FOXN3: variants seen among roughly 807,000 people sequenced by gnomAD.
The protein encoded by FOXN3 is forkhead box N3.
Under a neutral mutation model 38.4 loss-of-function variants are expected in FOXN3, and 7 were observed. That is an observed-to-expected ratio of 0.18 (90% CI 0.10 to 0.34). The LOEUF is 0.34. FOXN3 is among the 10% of genes least tolerant of loss of function. The pLI, the probability that FOXN3 is intolerant of heterozygous loss-of-function variation, is 1.00. For missense variants in FOXN3, 456 were observed against 613.4 expected (o/e 0.74, Z 2.71); for synonymous variants, 230 against 242.2 (o/e 0.95, Z 0.47).
At chr14:89,521,138 C>T (rs969317092) in intron 1 of FOXN3, among the ~76,000 whole-genome samples, 41 of 151,998 alleles carry the variant, frequency 2.7e-4, no homozygotes, top group Non-Finnish European at 4.6e-4. Flanking sequence ...GGTGAAACCC[C>T]GTCTCTACTA....
At chr14:89,483,755 C>T (rs1467526012) in intron 1 of FOXN3, among the ~76,000 whole-genome samples, 1 of 152,064 alleles carries the variant, frequency 6.6e-6, no homozygotes, top group Admixed American at 6.6e-5. Context: ...CTGGCTCAGC[C>T]GGTTAGTAAG....
intron 1 of FOXN3, among the ~76,000 whole-genome samples, chr14:89,452,486 C>T (rs1412600793): frequency 6.6e-6 from 1 of 152,180 alleles, no homozygotes; most frequent in African/African-American, 2.4e-5. Context: ...GCTCATTCTC[C>T]CCGGCCAGGT....
intron 1 of FOXN3, among the ~76,000 whole-genome samples, chr14:89,443,832 C>G (rs1892438886): frequency 6.6e-6 from 1 of 151,892 alleles, no homozygotes; most frequent in Admixed American, 6.6e-5. Context: ...CAACATGGAG[C>G]AACTCTGTCT....
At chr14:89,187,306 C>T (rs764576779) in intron 4 of FOXN3, among the ~76,000 whole-genome samples, 3 of 152,178 alleles carry the variant, frequency 2.0e-5, no homozygotes, top group African/African-American at 4.8e-5. Flanking sequence ...CACCAGCCCA[C>T]GGGGGAATAC....
chr14:89,370,979 C>T (rs1006512001), intron 2 of FOXN3, among the ~76,000 whole-genome samples: 38 of 138,802 alleles, frequency 2.7e-4, no homozygotes, highest in Non-Finnish European at 3.1e-4. Context: ...ACAACAAAAC[C>T]GTGCGTCTAT....
intron 3 of FOXN3, 33 bp from the exon 4 acceptor site, chr14:89,281,047 G>A (rs752935556): frequency 2.5e-6 from 4 of 1,592,522 alleles, no homozygotes; most frequent in Admixed American, 1.7e-5. Context: ...ATAAGGCCAA[G>A]TTCATCTGCA....
intron 1 of FOXN3, among the ~76,000 whole-genome samples, chr14:89,595,432 G>A (rs907020606): frequency 6.6e-6 from 1 of 151,872 alleles, no homozygotes; most frequent in Non-Finnish European, 1.5e-5. Context: ...CAATATAGGG[G>A]TCTTGTTAGA....
chr14:89,264,097 C>T (rs368802284), intron 4 of FOXN3: 3 of 152,346 alleles, frequency 2.0e-5, no homozygotes, highest in African/African-American at 7.2e-5. Flanking sequence ...ATGTAATCAG[C>T]ACCCTATGAA....
At chr14:89,364,370 G>A (rs1196831967) in intron 2 of FOXN3, 1 of 150,572 alleles carries the variant, frequency 6.6e-6, no homozygotes, top group African/African-American at 2.5e-5. Context: ...TTTTGTTTTT[G>A]TTTTTGTTTT....
At position 89,158,149 on chromosome 14, in the gene FOXN3, A is replaced by G. The variant is rs950484733; in HGVS notation, c.*4265T>C. ...CAAGAGCCCTTCCAGGAGAGGCCCA[A>G]GGCGCCCCCCACAGAGTGGAATGAG... On this transcript the variant is annotated 3_prime_UTR_variant, in exon 6 of 6. Coordinates refer to ENST00000557258, the MANE Select transcript of FOXN3 (RefSeq NM_005197.4). 6.6e-6 allele frequency: 1 copy of G among 152,266 alleles called. No individual in the cohort carries two copies. Among genetic ancestry groups the G allele is most frequent in the Non-Finnish European group, 1.5e-5 (1 of 68,072 alleles). 9.4% of individuals were successfully genotyped at this position (152,266 alleles called of 1,614,324 possible).
chr14:89,554,780 T>C (rs1895078254), intron 1 of FOXN3, among the ~76,000 whole-genome samples: 1 of 131,412 alleles, frequency 7.6e-6, no homozygotes, highest in Admixed American at 8.6e-5. Flanking sequence ...ATACTAGCAT[T>C]TCTTTTTTTT....
intron 5 of FOXN3, among the ~76,000 whole-genome samples, chr14:89,175,290 AT>A (rs1183403917): frequency 2.6e-5 from 4 of 152,198 alleles, no homozygotes; most frequent in African/African-American, 9.7e-5. Flanking sequence ...CTCTCATATA[AT>A]TTGGCAACAA....
intron 4 of FOXN3, among the ~76,000 whole-genome samples, chr14:89,230,039 G>A (rs186533437): frequency 6.6e-6 from 1 of 152,272 alleles, no homozygotes; most frequent in African/African-American, 2.4e-5. Flanking sequence ...AAAAGGTAAG[G>A]CCCTCAATGC....
intron 1 of FOXN3, among the ~76,000 whole-genome samples, chr14:89,446,065 G>GT (rs913276697): frequency 1.0e-5 from 1 of 100,240 alleles, no homozygotes; most frequent in African/African-American, 3.7e-5. Context: ...TCTAGCCTGG[G>GT]TAACAGAGCG....
chr14:89,523,715 A>G (rs560701474), intron 1 of FOXN3, among the ~76,000 whole-genome samples: 1 of 152,294 alleles, frequency 6.6e-6, no homozygotes, highest in East Asian at 1.9e-4. Context: ...GGAAATTTAA[A>G]TATCTGTATT....
chr14:89,478,062 G>A (rs1893248554), intron 1 of FOXN3, among the ~76,000 whole-genome samples: 1 of 152,144 alleles, frequency 6.6e-6, no homozygotes, highest in Non-Finnish European at 1.5e-5. Context: ...GGAGGTGTCT[G>A]GGTCATGGGG....
At chr14:89,284,438 C>T in intron 3 of FOXN3, 1 of 456,004 alleles carries the variant, frequency 2.2e-6, no homozygotes, top group South Asian at 1.5e-5. Flanking sequence ...CATAGAGACA[C>T]ACGCATCAAC....
At chr14:89,290,527 G>A (rs1358022921) in intron 3 of FOXN3, 3 of 531,906 alleles carry the variant, frequency 5.6e-6, no homozygotes. Context: ...TTCATCGGGA[G>A]AGCTGATTTT....
At chr14:89,284,895 G>A (rs11629035) in intron 3 of FOXN3, among the ~76,000 whole-genome samples, 59,137 of 151,908 alleles carry the variant, frequency 0.39, 11,780 homozygotes, top group African/African-American at 0.49. Context: ...CATACCCGGC[G>A]GCTGCCAGAG....
Sources: gnomAD v4.1 joint callset for allele counts (sites outside exome capture counted in the v4.1 genomes callset) on GRCh38, gnomAD v4.1.1 for gene constraint, MANE v1.5 for transcripts, NCBI Gene and HGNC (gene_info 2026-07-23, HGNC 2026-07-21) for gene names.